Variants in ZNF385D observed in about 807,000 individuals in gnomAD.
The protein encoded by ZNF385D is zinc finger protein 385D.
In ZNF385D, 15 loss-of-function variants were observed where a neutral mutation model predicts 35.8. That is an observed-to-expected ratio of 0.42 (90% CI 0.28 to 0.64). The LOEUF (loss-of-function observed/expected upper bound fraction) is 0.64. ZNF385D is among the 30% of genes least tolerant of loss of function. ZNF385D has a pLI of 0.23. For synonymous variants in ZNF385D, 212 were observed against 186.8 expected (o/e 1.13, Z -1.10); for missense variants, 474 against 494.6 (o/e 0.96, Z 0.39).
chr3:21,586,807 G>A (rs766893222), intron 2 of ZNF385D, among the ~76,000 whole-genome samples: 1 of 152,110 alleles, frequency 6.6e-6, no homozygotes, highest in East Asian at 1.9e-4. Flanking sequence ...ATAACCCAGA[G>A]TAATGAAGGG....
At chr3:22,072,756 T>C (rs192802618) in intron 3 of ZNF385D, among the ~76,000 whole-genome samples, 1 of 150,904 alleles carries the variant, frequency 6.6e-6, no homozygotes, top group African/African-American at 2.4e-5. Flanking sequence ...AGAAGAAATA[T>C]TGAAGGTTGG....
At position 21,497,645 on chromosome 3, in the gene ZNF385D, T is replaced by C. The variant is rs1286626721; in HGVS notation, c.439+13216A>G. 2.6e-5 allele frequency among the ~76,000 whole-genome samples: 4 copies of C among 152,174 alleles called. No homozygotes were observed. The East Asian group carries it at 7.7e-4, about 29-fold the overall frequency. On this transcript the variant is annotated intron_variant, in intron 4 of 7. Transcript: ENST00000281523. ...AGATAATTCACTTGAGGCCAGGTGT[T>C]TGAGACCAGCCTGGGCAATATGGCA...
intron 2 of ZNF385D, among the ~76,000 whole-genome samples, chr3:22,171,576 T>A (rs114329038): frequency 6.6e-6 from 1 of 152,100 alleles, no homozygotes; most frequent in Non-Finnish European, 1.5e-5. Flanking sequence ...GGGTAGGACA[T>A]CATAAAACAT....
intron 4 of ZNF385D, among the ~76,000 whole-genome samples, chr3:21,454,826 A>T (rs564756642): frequency 6.6e-6 from 1 of 152,296 alleles, no homozygotes; most frequent in South Asian, 2.1e-4. Flanking sequence ...ACATGATTGT[A>T]TATCTAGAAA....
chr3:22,158,794 A>C (rs112588797), intron 3 of ZNF385D, among the ~76,000 whole-genome samples: 1,819 of 149,182 alleles, frequency 0.012, 16 homozygotes, highest in Middle Eastern at 0.021. Context: ...ACTAGAAGCC[A>C]GTTTCAAAAG....
intron 2 of ZNF385D, among the ~76,000 whole-genome samples, chr3:21,595,368 T>C (rs12493593): frequency 0.2 from 30,516 of 151,380 alleles, 3,819 homozygotes; most frequent in Middle Eastern, 0.29. Context: ...ATATATACTA[T>C]TATATCCCAT....
At chr3:22,082,947 G>C (rs758390404) in intron 3 of ZNF385D, among the ~76,000 whole-genome samples, 2 of 152,146 alleles carry the variant, frequency 1.3e-5, no homozygotes, top group Non-Finnish European at 2.9e-5. Context: ...GTCTGGGGTG[G>C]ACCTCCAGCA....
At chr3:21,684,404 CCT>C (rs71044934) in intron 1 of ZNF385D, among the ~76,000 whole-genome samples, 1,328 of 70,278 alleles carry the variant, frequency 0.019, 87 homozygotes, top group African/African-American at 0.073. Flanking sequence ...CTCTCTCTCT[CCT>C]CTCTCTCTCT....
intron 3 of ZNF385D, among the ~76,000 whole-genome samples, chr3:21,782,557 G>A (rs2071534441): frequency 6.6e-6 from 1 of 151,966 alleles, no homozygotes; most frequent in Non-Finnish European, 1.5e-5. Context: ...TTTCCAAACT[G>A]TATTTACCTT....
intron 2 of ZNF385D, among the ~76,000 whole-genome samples, chr3:21,628,545 G>A (rs1035121588): frequency 2.6e-5 from 4 of 152,034 alleles, no homozygotes; most frequent in African/African-American, 4.8e-5. Context: ...AAAGGTAGTC[G>A]CTTAATGTCT....
intron 5 of ZNF385D, among the ~76,000 whole-genome samples, chr3:21,429,328 A>T (rs1024447829): frequency 1.3e-5 from 2 of 152,220 alleles, no homozygotes; most frequent in Admixed American, 1.3e-4. Flanking sequence ...AGTTGGAATA[A>T]GTTAGCTAAA....
At chr3:22,145,567 A>C (rs980113604) in intron 3 of ZNF385D, among the ~76,000 whole-genome samples, 4 of 152,220 alleles carry the variant, frequency 2.6e-5, no homozygotes, top group African/African-American at 9.6e-5. Context: ...TGGCATTTCC[A>C]AATTTATGTC....
At chr3:22,122,542 GC>G (rs1285686793) in intron 3 of ZNF385D, among the ~76,000 whole-genome samples, 4 of 152,092 alleles carry the variant, frequency 2.6e-5, no homozygotes, top group Non-Finnish European at 5.9e-5. Context: ...TGATGACACA[GC>G]CATAAAGAAA....
intron 3 of ZNF385D, among the ~76,000 whole-genome samples, chr3:21,873,222 G>T (rs937430252): frequency 3.9e-5 from 6 of 152,198 alleles, no homozygotes; most frequent in African/African-American, 1.4e-4. Context: ...GTGTGTTCAT[G>T]CAGCATACAA....
In ZNF385D at chr3:21,990,137, G is replaced by A. The variant is rs533042363; in HGVS notation, c.325+178680C>T. On this transcript the variant is annotated intron_variant, in intron 3 of 5. Transcript: ENST00000494108. ...TTTAAAAAAATTTTTGTGAGGCTAT[G>A]TCAGATCTGAGCAATGATTATAGGA... 3.9e-5 allele frequency among the ~76,000 whole-genome samples: 6 copies of A among 152,328 alleles called. No individual in the cohort carries two copies. In the East Asian group the frequency reaches 7.7e-4, roughly 20 times the overall value.
chr3:21,745,626 A>G (rs1366699350), intron 1 of ZNF385D, among the ~76,000 whole-genome samples: 1 of 152,214 alleles, frequency 6.6e-6, no homozygotes, highest in Non-Finnish European at 1.5e-5. Context: ...TCTGTTGCAA[A>G]ACTAATCTTT....
At chr3:22,206,048 T>C (rs1008443840) in intron 2 of ZNF385D, among the ~76,000 whole-genome samples, 1 of 151,966 alleles carries the variant, frequency 6.6e-6, no homozygotes, top group African/African-American at 2.4e-5. Flanking sequence ...ACACTTTACC[T>C]GTAAGGACAC....
chr3:22,210,040 C>T (rs995354300), intron 2 of ZNF385D, among the ~76,000 whole-genome samples: 10 of 151,256 alleles, frequency 6.6e-5, no homozygotes, highest in Admixed American at 4.0e-4. Context: ...TGCCATGTAC[C>T]GAGAGGTTTG....
intron 3 of ZNF385D, among the ~76,000 whole-genome samples, chr3:21,845,105 T>C (rs2125795274): frequency 6.6e-6 from 1 of 152,102 alleles, no homozygotes; most frequent in African/African-American, 2.4e-5. Context: ...GAGAATAACT[T>C]AAGAGTTAAA....
Sources: gnomAD v4.1 joint callset for allele counts (sites outside exome capture counted in the v4.1 genomes callset) on GRCh38, gnomAD v4.1.1 for gene constraint, MANE v1.5 for transcripts, NCBI Gene and HGNC (gene_info 2026-07-23, HGNC 2026-07-21) for gene names.